Variants in WDFY3 observed in about 807,000 individuals in gnomAD.
WDFY3 encodes the protein WD repeat and FYVE domain containing 3.
A neutral mutation model predicts 409.6 loss-of-function variants in WDFY3; 66 were observed. The ratio of observed to expected loss-of-function variants is 0.16; its 90% confidence interval spans 0.13 to 0.20. The LOEUF (loss-of-function observed/expected upper bound fraction) is 0.20. Ranked by LOEUF, WDFY3 falls within the 10% of genes least tolerant of loss-of-function variation. WDFY3 has a pLI of 1.00. For missense variants in WDFY3, 3,031 were observed against 4,298.1 expected (o/e 0.71, Z 8.24); for synonymous variants, 1,521 against 1,537.1 (o/e 0.99, Z 0.25).
intron 1 of WDFY3, among the ~76,000 whole-genome samples, chr4:84,947,404 C>T (rs1026715190): frequency 1.8e-4 from 27 of 150,596 alleles, no homozygotes; most frequent in Non-Finnish European, 3.3e-4. Flanking sequence ...CCCAGCTACT[C>T]GGGAGGCTGA....
intron 2 of WDFY3, among the ~76,000 whole-genome samples, chr4:84,930,059 C>G (rs1176244908): frequency 6.6e-6 from 1 of 152,160 alleles, no homozygotes; most frequent in East Asian, 1.9e-4. Context: ...CCCTGCAACA[C>G]TGGCGTCAGA....
chr4:84,942,842 G>A (rs1772317422), intron 1 of WDFY3, among the ~76,000 whole-genome samples: 2 of 152,096 alleles, frequency 1.3e-5, no homozygotes, highest in South Asian at 2.1e-4. Flanking sequence ...TGTTTTGCAA[G>A]TATATTTACC....
intron 32 of WDFY3, among the ~76,000 whole-genome samples, chr4:84,758,150 T>A (rs999546373): frequency 6.6e-6 from 1 of 152,224 alleles, no homozygotes; most frequent in Admixed American, 6.5e-5. Flanking sequence ...AGTGAATGTT[T>A]GTCAAATTTT....
chr4:84,755,379 T>C lies in WDFY3; in HGVS notation c.5446A>G (p.Thr1816Ala). 6.2e-7 allele frequency: 1 copy of C among 1,608,948 alleles called. No homozygotes were observed. The highest frequency in any genetic ancestry group is 8.5e-7 in the Non-Finnish European group (1 of 1,178,876). The change falls in exon 34 of 68, where the codon ACA (threonine) becomes GCA (alanine). Residue 1816 changes from threonine to alanine, a missense_variant. Transcript: ENST00000295888. ...GCQFDLDSIW[T>A]FIFGVPASSG... Reference sequence around the variant, plus strand: ...GAGGCAGGAACTCCAAAGATGAATGTCCAAATGGAATCCAAATCAAACTGC... The same window carrying C: ...GAGGCAGGAACTCCAAAGATGAATGCCCAAATGGAATCCAAATCAAACTGC...
At chr4:84,785,908 T>C in intron 24 of WDFY3, 71 bp downstream of exon 24, 1 of 1,534,152 alleles carries the variant, frequency 6.5e-7, no homozygotes. Flanking sequence ...TTGAGTAGTA[T>C]CCATATGAGA....
At chr4:84,689,051 T>A (rs180948537) in intron 61 of WDFY3, among the ~76,000 whole-genome samples, 1 of 152,356 alleles carries the variant, frequency 6.6e-6, no homozygotes, top group East Asian at 1.9e-4. Flanking sequence ...CGCTTAATAA[T>A]GAGTTGGCTT....
intron 4 of WDFY3, among the ~76,000 whole-genome samples, chr4:84,854,666 T>C (rs1490588892): frequency 6.6e-6 from 1 of 152,116 alleles, no homozygotes; most frequent in Non-Finnish European, 1.5e-5. Flanking sequence ...TCCCAGCACT[T>C]TGGGAGGTTG....
intron 1 of WDFY3, among the ~76,000 whole-genome samples, chr4:84,950,705 G>A (rs542768841): frequency 3.3e-4 from 51 of 152,268 alleles, no homozygotes; most frequent in Admixed American, 7.8e-4. Context: ...CAGGAGAATC[G>A]TTTGAACCCA....
chr4:84,912,984 T>C (rs1464238235), intron 2 of WDFY3, among the ~76,000 whole-genome samples: 1 of 152,196 alleles, frequency 6.6e-6, no homozygotes, highest in Non-Finnish European at 1.5e-5. Flanking sequence ...ATGAGAGTGC[T>C]TTCTGGATTG....
At chr4:84,676,227 A>T (rs1726268562) in intron 67 of WDFY3, among the ~76,000 whole-genome samples, 1 of 152,220 alleles carries the variant, frequency 6.6e-6, no homozygotes, top group Non-Finnish European at 1.5e-5. Flanking sequence ...AGGAAAAAAA[A>T]AGGGCAAAGT....
At chr4:84,830,042 T>C (rs1755472772) in intron 8 of WDFY3, among the ~76,000 whole-genome samples, 1 of 152,124 alleles carries the variant, frequency 6.6e-6, no homozygotes, top group Non-Finnish European at 1.5e-5. Flanking sequence ...AGAAACTCAC[T>C]GTTACATAAC....
At chr4:84,764,247 C>G (rs1484038108) in intron 32 of WDFY3, among the ~76,000 whole-genome samples, 3 of 152,150 alleles carry the variant, frequency 2.0e-5, no homozygotes, top group Admixed American at 6.5e-5. Context: ...AACTCACATT[C>G]AGTTGTGCCT....
At chr4:84,888,495 ATTC>A (rs1289023455) in intron 3 of WDFY3, among the ~76,000 whole-genome samples, 1 of 152,240 alleles carries the variant, frequency 6.6e-6, no homozygotes. Flanking sequence ...TATTAACCTT[ATTC>A]TTCTGTGAAT....
intron 2 of WDFY3, among the ~76,000 whole-genome samples, chr4:84,918,992 T>A (rs183770819): frequency 6.6e-6 from 1 of 151,882 alleles, no homozygotes; most frequent in Admixed American, 6.6e-5. Context: ...TAAGAAGGAC[T>A]AAGGCTCCTA....
At position 84,918,357 on chromosome 4, in the gene WDFY3, A is replaced by G. The variant is rs958429983; in HGVS notation, c.-132+13913T>C. 2.6e-5 allele frequency among the ~76,000 whole-genome samples: 4 copies of G among 152,162 alleles called. No individual in the cohort carries two copies. The East Asian group carries it at 7.7e-4, about 29-fold the overall frequency. On this transcript the variant is annotated intron_variant, in intron 2 of 67. Coordinates refer to ENST00000295888, the MANE Select transcript of WDFY3 (RefSeq NM_014991.6). Reference sequence around the variant, plus strand: ...TGTACATACACACAAAAGAATGATGACGACCTCTATGAACTGATATGGAAT... The same window carrying G: ...TGTACATACACACAAAAGAATGATGGCGACCTCTATGAACTGATATGGAAT...
intron 3 of WDFY3, among the ~76,000 whole-genome samples, chr4:84,884,259 T>C (rs1375126965): frequency 2.0e-5 from 3 of 152,276 alleles, no homozygotes; most frequent in African/African-American, 7.2e-5. Flanking sequence ...ATATTTCAAC[T>C]TGTTTTTTAA....
intron 17 of WDFY3, among the ~76,000 whole-genome samples, chr4:84,800,619 TA>T (rs1435792196): frequency 6.6e-6 from 1 of 152,214 alleles, no homozygotes; most frequent in Non-Finnish European, 1.5e-5. Context: ...TTCATTTATG[TA>T]ACATTCTCAA....
intron 9 of WDFY3, 23 bp from the exon 10 acceptor site, chr4:84,827,004 G>A: frequency 6.3e-7 from 1 of 1,589,088 alleles, no homozygotes; most frequent in Non-Finnish European, 8.5e-7. Flanking sequence ...GATTTAGAAA[G>A]TATTTTTTTT....
At chr4:84,739,221 G>T in intron 39 of WDFY3, 102 bp from the exon 40 acceptor site, 2 of 1,158,526 alleles carry the variant, frequency 1.7e-6, no homozygotes, top group Non-Finnish European at 2.5e-6. Flanking sequence ...GACACTGAAT[G>T]TCTACTCAGC....
Sources: allele counts gnomAD v4.1 joint callset (sites outside exome capture counted in the v4.1 genomes callset), GRCh38; gene constraint gnomAD v4.1.1; transcripts MANE v1.5; gene names NCBI Gene and HGNC (gene_info 2026-07-23, HGNC 2026-07-21).